Variants in CDH19 observed in about 807,000 individuals in gnomAD.
CDH19 encodes the protein cadherin 19.
A neutral mutation model predicts 64.2 loss-of-function variants in CDH19; 67 were observed. The observed-to-expected ratio is 1.04, with a 90% CI of 0.86 to 1.28. CDH19 has a LOEUF of 1.28. CDH19 is among the 50% of genes most tolerant of loss of function. The pLI, the probability that CDH19 is intolerant of heterozygous loss-of-function variation, is 0.00. For synonymous variants in CDH19, 346 were observed against 319.3 expected (o/e 1.08, Z -0.89); for missense variants, 1,030 against 929.0 (o/e 1.11, Z -1.41).
intron 1 of CDH19, among the ~76,000 whole-genome samples, chr18:66,594,449 C>T (rs207476889): frequency 3.1e-4 from 47 of 152,162 alleles, no homozygotes; most frequent in African/African-American, 8.7e-4. Context: ...CATCAAACAA[C>T]GGTAGAATAT....
intron 9 of CDH19, among the ~76,000 whole-genome samples, chr18:66,513,143 A>G (rs1457439662): frequency 6.6e-6 from 1 of 151,518 alleles, no homozygotes; most frequent in Non-Finnish European, 1.5e-5. Context: ...ATGTGGCTAC[A>G]GTGTTCAGAT....
rs1254511460 is a variant in CDH19, at chr18:66,535,086, T to C, written c.1236A>G (p.Lys412=). The change falls in exon 8 of 12, where the codon AAA becomes AAG. Residue 412 remains lysine, a synonymous_variant. Coordinates refer to ENST00000262150, the MANE Select transcript of CDH19 (RefSeq NM_021153.4). ...TACCATTATCATTGATATTGAACACTTTGCTCCTAGTAATAGAATACCTGA... is the reference window on the plus strand; with the variant it reads ...TACCATTATCATTGATATTGAACACCTTGCTCCTAGTAATAGAATACCTGA... ...SPIRYSITRS[K]VFNINDNGTI... 1.3e-6 allele frequency: 2 copies of C among 1,492,860 alleles called. No homozygotes were observed. The highest frequency in any genetic ancestry group is 1.8e-6 in the Non-Finnish European group (2 of 1,100,694). 92.5% of individuals were successfully genotyped at this position (1,492,860 alleles called of 1,614,324 possible).
chr18:66,522,866 G>A (rs1986055929), intron 9 of CDH19, among the ~76,000 whole-genome samples: 3 of 151,566 alleles, frequency 2.0e-5, no homozygotes, highest in Admixed American at 6.6e-5. Flanking sequence ...ATTGTCTGTA[G>A]CAATTTGATA....
intron 11 of CDH19, among the ~76,000 whole-genome samples, chr18:66,508,316 T>C (rs973714848): frequency 2.0e-5 from 3 of 151,592 alleles, no homozygotes; most frequent in Admixed American, 6.6e-5. Context: ...ATTCAAGAGA[T>C]CTATTTTACC....
chr18:66,518,381 C>T (rs112561101), intron 9 of CDH19, among the ~76,000 whole-genome samples: 35,356 of 151,766 alleles, frequency 0.23, 4,386 homozygotes, highest in Middle Eastern at 0.32. Context: ...TTACAGGTGC[C>T]CACCACCGTG....
intron 9 of CDH19, among the ~76,000 whole-genome samples, chr18:66,519,166 G>GT (rs1199733637): frequency 6.6e-6 from 1 of 152,168 alleles, no homozygotes; most frequent in East Asian, 1.9e-4. Context: ...CATTGACAAT[G>GT]TTGTTTGTGT....
intron 3 of CDH19, among the ~76,000 whole-genome samples, chr18:66,564,306 T>A (rs2144556598): frequency 6.6e-6 from 1 of 152,030 alleles, no homozygotes; most frequent in Admixed American, 6.6e-5. Flanking sequence ...ATTTAAAATC[T>A]GAAATGCCAA....
chr18:66,510,762 G>C (rs1985443580), intron 10 of CDH19, among the ~76,000 whole-genome samples: 1 of 151,244 alleles, frequency 6.6e-6, no homozygotes, highest in South Asian at 2.1e-4. Flanking sequence ...CTCCCCGGGG[G>C]AATTTGACGA....
chr18:66,571,356 TATTTC>T (rs1304378862), intron 2 of CDH19, among the ~76,000 whole-genome samples: 1 of 151,660 alleles, frequency 6.6e-6, no homozygotes, highest in East Asian at 1.9e-4. Flanking sequence ...CGGTTAAACT[TATTTC>T]AGTTCATTTA....
At chr18:66,532,500 A>T (rs1986490567) in intron 8 of CDH19, 1 of 232,530 alleles carries the variant, frequency 4.3e-6, no homozygotes, top group African/African-American at 2.3e-5. Context: ...ACACACACAC[A>T]CACACACACA....
At chr18:66,541,160 C>A (rs1022070944) in intron 7 of CDH19, among the ~76,000 whole-genome samples, 3 of 152,068 alleles carry the variant, frequency 2.0e-5, no homozygotes, top group African/African-American at 7.2e-5. Context: ...TTATTTACCC[C>A]ACCCAAGACG....
In CDH19 at chr18:66,509,185, G is replaced by C; in HGVS notation, c.1638C>G (p.Phe546Leu). The change falls in exon 11 of 12, where the codon TTC becomes TTG. Residue 546 changes from phenylalanine to leucine, a missense_variant. By Grantham distance (22) the Phe-to-Leu change is conservative (BLOSUM62 0). Transcript: ENST00000262150. ...TGFNLQEEPV[F>L]YISILIADNG... ...TGTCGGCAATTAAGATGGAGATGTA[G>C]AAGACAGGTTCTTCTTGAAGGTTAA... 1 of 1,612,614 alleles carries C rather than the reference G, an allele frequency of 6.2e-7. No individual in the cohort carries two copies. Among genetic ancestry groups the C allele is most frequent in the South Asian group, 1.1e-5 (1 of 91,050 alleles).
intron 3 of CDH19, among the ~76,000 whole-genome samples, chr18:66,567,383 T>A (rs182147805): frequency 1.3e-5 from 2 of 150,756 alleles, no homozygotes; most frequent in East Asian, 3.9e-4. Flanking sequence ...GAGGGAGGGA[T>A]GAGGAAGGTG....
chr18:66,503,801 T>C lies in CDH19; in HGVS notation c.*1011A>G, dbSNP rs1429555153. 6.6e-6 allele frequency: 1 copy of C among 151,910 alleles called. No individual in the cohort carries two copies. The highest frequency in any genetic ancestry group is 1.5e-5 in the Non-Finnish European group (1 of 67,866). 9.4% of individuals were successfully genotyped at this position (151,910 alleles called of 1,614,324 possible). On this transcript the variant is annotated 3_prime_UTR_variant, in exon 12 of 12. Transcript: ENST00000262150. ...AGTATCTGTTCAAATTTGAAATCAGTTTTAAAGAGTGCTCTTGGCAAAGTT... is the reference window on the plus strand; with the variant it reads ...AGTATCTGTTCAAATTTGAAATCAGCTTTAAAGAGTGCTCTTGGCAAAGTT...
intron 5 of CDH19, among the ~76,000 whole-genome samples, chr18:66,549,977 G>T (rs75042062): frequency 0.016 from 2,398 of 152,080 alleles, 58 homozygotes; most frequent in African/African-American, 0.055. Context: ...TGACTTTGAG[G>T]AATGGGGCAA....
chr18:66,541,758 T>C (rs1029348946), intron 7 of CDH19, among the ~76,000 whole-genome samples: 1 of 152,146 alleles, frequency 6.6e-6, no homozygotes, highest in Non-Finnish European at 1.5e-5. Context: ...CAAGTTATTT[T>C]AAAAAGTAAT....
chr18:66,567,494 C>G (rs960040195), intron 3 of CDH19, among the ~76,000 whole-genome samples: 2 of 151,748 alleles, frequency 1.3e-5, no homozygotes, highest in Admixed American at 6.6e-5. Context: ...AAATTTGTTT[C>G]TGCTGTATTT....
chr18:66,528,561 AT>A (rs1348821341), intron 9 of CDH19, among the ~76,000 whole-genome samples: 1 of 152,164 alleles, frequency 6.6e-6, no homozygotes, highest in Non-Finnish European at 1.5e-5. Context: ...TTTCAAAAAC[AT>A]TTTGGAAAAT....
intron 1 of CDH19, among the ~76,000 whole-genome samples, chr18:66,583,713 C>T (rs1037052352): frequency 6.6e-6 from 1 of 151,990 alleles, no homozygotes; most frequent in Non-Finnish European, 1.5e-5. Flanking sequence ...GACTGCACAC[C>T]TACAATCATC....
Sources: gnomAD v4.1 joint callset for allele counts (sites outside exome capture counted in the v4.1 genomes callset) on GRCh38, gnomAD v4.1.1 for gene constraint, MANE v1.5 for transcripts, NCBI Gene and HGNC (gene_info 2026-07-23, HGNC 2026-07-21) for gene names.